Variants in SVIL observed in about 807,000 individuals in gnomAD.
The protein encoded by SVIL is supervillin.
A neutral mutation model predicts 240.4 loss-of-function variants in SVIL; 101 were observed. The observed-to-expected ratio is 0.42, with a 90% CI of 0.36 to 0.50. The LOEUF (loss-of-function observed/expected upper bound fraction) is 0.50. Ranked by LOEUF, SVIL falls within the 20% of genes least tolerant of loss-of-function variation. SVIL has a pLI of 0.01. For synonymous variants in SVIL, 999 were observed against 1,100.0 expected (o/e 0.91, Z 1.82); for missense variants, 2,512 against 2,818.7 (o/e 0.89, Z 2.46).
At chr10:29,620,853 G>A (rs993658481) in intron 1 of SVIL, among the ~76,000 whole-genome samples, 1 of 152,084 alleles carries the variant, frequency 6.6e-6, no homozygotes, top group Non-Finnish European at 1.5e-5. Flanking sequence ...TCCTGACCTC[G>A]TGATCCACCC....
Position 29,593,883 on chromosome 10 carries a change from G to GA in SVIL, c.-200-24572_-200-24571insT, listed in dbSNP as rs559687114. Among the ~76,000 whole-genome samples, 117 of 152,264 alleles carry GA rather than the reference G, an allele frequency of 7.7e-4. No homozygotes were observed. In the East Asian group the frequency reaches 0.02, roughly 26 times the overall value. The stretch of plus-strand genomic sequence containing the variant: ...GTTCTAAGAAACTTGGCAAAACTAT[G>GA]GAGACAGTAAGCAGATCAGTGGTTC... On this transcript the variant is annotated intron_variant, in intron 1 of 37. Transcript: ENST00000355867.
upstream of SVIL, among the ~76,000 whole-genome samples, chr10:29,639,080 T>A (rs1203332011): frequency 6.6e-6 from 1 of 152,114 alleles, no homozygotes; most frequent in Non-Finnish European, 1.5e-5. Flanking sequence ...CGAAAGTGTG[T>A]CACTGCACTG....
At chr10:29,532,490 C>A (rs750850003) in intron 8 of SVIL, 39 bp downstream of exon 8, 12 of 1,568,690 alleles carry the variant, frequency 7.6e-6, no homozygotes, top group Admixed American at 5.4e-5. Flanking sequence ...CAGGGACGTG[C>A]AAGTGACACA....
rs142828120 is a variant in SVIL, at chr10:29,507,052, C to G, written c.3516+5683G>C. Reference sequence around the variant, plus strand: ...GGCTCAGCCCAGGCTGGGGTCTGCTCTCTGGGGTGGGGTTCAGAGAGGCTA... The same window carrying G: ...GGCTCAGCCCAGGCTGGGGTCTGCTGTCTGGGGTGGGGTTCAGAGAGGCTA... On this transcript the variant is annotated intron_variant, in intron 17 of 37. Transcript: ENST00000355867. 2.2e-4 allele frequency among the ~76,000 whole-genome samples: 33 copies of G among 152,272 alleles called. No homozygotes were observed. In the East Asian group the frequency reaches 6.2e-3, roughly 29 times the overall value.
intron 1 of SVIL, among the ~76,000 whole-genome samples, chr10:29,716,956 A>C (rs988752705): frequency 1.3e-5 from 2 of 152,188 alleles, no homozygotes; most frequent in Admixed American, 6.5e-5. Flanking sequence ...GTGGGCTGGG[A>C]GCCGTGGCTC....
At position 29,550,654 on chromosome 10, in the gene SVIL, G is replaced by A; in HGVS notation, c.770C>T (p.Ala257Val). 6.2e-7 allele frequency: 1 copy of A among 1,613,930 alleles called. No homozygotes were observed. The highest frequency in any genetic ancestry group is 8.5e-7 in the Non-Finnish European group (1 of 1,179,886). ...KHAHSSSLQQ[A>V]ASRSPSFGDP... ...ACCAAAGGAGGGGCTCCGGGAGGCT[G>A]CCTGCTGCAGGGAGGAGCTGTGGGC... is the stretch of plus-strand genomic sequence containing the variant. Residue 257 changes from alanine (A) to valine (V), a missense_variant, in exon 6 of 38, where the codon GCA (alanine) becomes GTA (valine). This residue lies in a region of SVIL where 1,443 missense variants were observed against 1,486.6 expected (regional missense o/e 0.97). Coordinates refer to ENST00000355867, the MANE Select transcript of SVIL (RefSeq NM_021738.3).
intron 18 of SVIL, chr10:29,496,623 C>G (rs371147918): frequency 3.7e-6 from 1 of 267,188 alleles, no homozygotes. Context: ...GCTAAGGATC[C>G]TTAGGGAATG....
Position 29,535,997 on chromosome 10 carries a change from C to T in SVIL, c.900G>A (p.Trp300Ter), listed in dbSNP as rs773614292. The stretch of plus-strand genomic sequence containing the variant: ...GGCCGGCGTGCGGGTACCTGGAAGG[C>T]CAGTTGATAAGTGAAGGTGTGTCCC... ...SEGDTPSLIN[W>*]PSRVKVREKL... Residue 300 changes from tryptophan (W) to a stop codon, truncating the protein, a stop_gained, in exon 7 of 38, where the codon TGG (tryptophan) becomes TGA (stop). Coordinates refer to ENST00000355867, the MANE Select transcript of SVIL (RefSeq NM_021738.3). LOFTEE classifies it high-confidence loss of function. The T allele has an allele frequency of 1.2e-6, 2 of 1,614,166 alleles. No individual in the cohort carries two copies. Among genetic ancestry groups the T allele is most frequent in the South Asian group, 2.2e-5 (2 of 91,082 alleles).
At chr10:29,490,273 G>C (rs1286876787) in intron 22 of SVIL, among the ~76,000 whole-genome samples, 6 of 152,158 alleles carry the variant, frequency 3.9e-5, no homozygotes, top group Admixed American at 3.9e-4. Context: ...AGATACTCCA[G>C]TGATTTGAAG....
chr10:29,586,657 T>C (rs1433566839), intron 1 of SVIL, among the ~76,000 whole-genome samples: 1 of 152,094 alleles, frequency 6.6e-6, no homozygotes, highest in Non-Finnish European at 1.5e-5. Context: ...ACAAAACATC[T>C]TGCATTAAAA....
chr10:29,645,855 C>T (rs1024859007), intron 3 of SVIL, among the ~76,000 whole-genome samples: 49 of 152,274 alleles, frequency 3.2e-4, no homozygotes, highest in South Asian at 4.1e-4. Flanking sequence ...CTGGTAATCT[C>T]GTTAGTGGGA....
At chr10:29,605,933 TG>T (rs146410348) in intron 1 of SVIL, among the ~76,000 whole-genome samples, 4,759 of 152,174 alleles carry the variant, frequency 0.031, 255 homozygotes, top group African/African-American at 0.11. Context: ...TATTTTGAGA[TG>T]GAGTCTTGCT....
intron 2 of SVIL, among the ~76,000 whole-genome samples, chr10:29,563,520 T>C (rs1024588067): frequency 6.6e-6 from 1 of 152,056 alleles, no homozygotes; most frequent in Non-Finnish European, 1.5e-5. Flanking sequence ...GATTGGCGGG[T>C]GGCGTGGTGT....
At chr10:29,516,147 C>T (rs1169661484) in intron 16 of SVIL, among the ~76,000 whole-genome samples, 1 of 152,182 alleles carries the variant, frequency 6.6e-6, no homozygotes, top group Non-Finnish European at 1.5e-5. Context: ...GCATAGGATT[C>T]TGGCTTTCTT....
At chr10:29,595,359 C>A (rs963378746) in intron 1 of SVIL, among the ~76,000 whole-genome samples, 4 of 152,182 alleles carry the variant, frequency 2.6e-5, no homozygotes, top group Non-Finnish European at 5.9e-5. Context: ...ACCCGGCACC[C>A]TCAGAGCAGC....
intron 1 of SVIL, among the ~76,000 whole-genome samples, chr10:29,589,031 C>A (rs1956283247): frequency 1.3e-5 from 2 of 152,078 alleles, no homozygotes; most frequent in South Asian, 2.1e-4. Flanking sequence ...CCAGGAGCAT[C>A]CTGAATGTTG....
chr10:29,550,646 G>C lies in SVIL; in HGVS notation c.778C>G (p.Arg260Gly), dbSNP rs771972962. ...HSSSLQQAASRSPSFGDPQLS... is the reference protein window; with the variant it reads ...HSSSLQQAASGSPSFGDPQLS... Reference sequence around the variant, plus strand: ...TGTGGGTCACCAAAGGAGGGGCTCCGGGAGGCTGCCTGCTGCAGGGAGGAG... The same window carrying C: ...TGTGGGTCACCAAAGGAGGGGCTCCCGGAGGCTGCCTGCTGCAGGGAGGAG... Residue 260 changes from arginine to glycine, a missense_variant, in exon 6 of 38, where the codon CGG (arginine) becomes GGG (glycine). By Grantham distance (125) the Arg-to-Gly change is moderately radical. Around this residue, in one of 3 missense-constraint regions of SVIL, gnomAD observed 1,443 missense variants for 1,486.6 expected, o/e 0.97. Transcript: ENST00000355867. 3.1e-6 allele frequency: 5 copies of C among 1,613,728 alleles called. No homozygotes were observed. Among genetic ancestry groups the C allele is most frequent in the Non-Finnish European group, 3.4e-6 (4 of 1,179,812 alleles).
intron 18 of SVIL, chr10:29,496,482 C>G (rs545132787): frequency 4.1e-5 from 18 of 439,224 alleles, no homozygotes; most frequent in South Asian, 2.9e-4. Context: ...AGGACTGACT[C>G]TGAAGGCTGG....
chr10:29,498,107 A>AAAG (rs1948597404), intron 18 of SVIL, among the ~76,000 whole-genome samples: 2 of 149,438 alleles, frequency 1.3e-5, no homozygotes, highest in Non-Finnish European at 3.0e-5. Flanking sequence ...AAAAAAAAAA[A>AAAG]AAAAAAAAAA....
Sources: gnomAD v4.1 joint callset for allele counts (sites outside exome capture counted in the v4.1 genomes callset) on GRCh38, gnomAD v4.1.1 for gene constraint, gnomAD v4.1.1 regional missense constraint, MANE v1.5 for transcripts, NCBI Gene and HGNC (gene_info 2026-07-23, HGNC 2026-07-21) for gene names.